Variants in TBC1D30 observed in about 807,000 individuals in gnomAD.
TBC1D30 encodes the protein TBC1 domain family member 30.
A neutral mutation model predicts 63.2 loss-of-function variants in TBC1D30; 31 were observed. That is an observed-to-expected ratio of 0.49 (90% CI 0.37 to 0.66). TBC1D30 has a LOEUF of 0.66. Among genes scored for constraint, TBC1D30 ranks in the 30% least tolerant of loss-of-function variants. The probability of loss-of-function intolerance (pLI) is 0.00; values close to 1 mark genes in which losing one functional copy is unlikely to be tolerated. For synonymous variants in TBC1D30, 307 were observed against 361.5 expected (o/e 0.85, Z 1.71); for missense variants, 810 against 953.6 (o/e 0.85, Z 1.98).
At chr12:64,850,487 C>T (rs980384602) in intron 8 of TBC1D30, among the ~76,000 whole-genome samples, 2 of 151,980 alleles carry the variant, frequency 1.3e-5, no homozygotes, top group Admixed American at 6.6e-5. Context: ...TAGCATGGAG[C>T]GGTGTTGAAT....
chr12:64,821,628 G>A (rs1048354903), upstream of TBC1D30, among the ~76,000 whole-genome samples: 1 of 152,170 alleles, frequency 6.6e-6, no homozygotes, highest in African/African-American at 2.4e-5. Flanking sequence ...TTCAGCCCCA[G>A]GGTATACTGT....
At chr12:64,781,737 TCA>T (rs1465420565) in intron 1 of TBC1D30, among the ~76,000 whole-genome samples, 1 of 151,904 alleles carries the variant, frequency 6.6e-6, no homozygotes, top group East Asian at 1.9e-4. Context: ...CCTTCTCTGG[TCA>T]CACCACTTAG....
rs1879280869 is a variant in TBC1D30, at chr12:64,878,994, A to G, written c.*3206A>G. On this transcript the variant is annotated 3_prime_UTR_variant, in exon 12 of 12. Transcript: ENST00000539867. ...TATGAATAGATGTATAGTTGCTGCC[A>G]TCTCCCCATATAAAAACTCTCTTTA... 1 of 152,416 alleles carries G rather than the reference A, an allele frequency of 6.6e-6. No individual in the cohort carries two copies. The highest frequency in any genetic ancestry group is 2.4e-5 in the African/African-American group (1 of 41,454). The allele number at this position is 152,416 out of a possible 1,614,324, so 9.4% of individuals were successfully genotyped here.
At chr12:64,851,714 G>A (rs980667437) in intron 8 of TBC1D30, among the ~76,000 whole-genome samples, 6 of 152,134 alleles carry the variant, frequency 3.9e-5, no homozygotes, top group Admixed American at 3.9e-4. Context: ...TGTGAGGCAG[G>A]CCTGGTGGTA....
chr12:64,797,290 T>G (rs551154885), intron 2 of TBC1D30, among the ~76,000 whole-genome samples: 11 of 152,330 alleles, frequency 7.2e-5, no homozygotes, highest in African/African-American at 2.2e-4. Flanking sequence ...TTGAATCTCT[T>G]TTCTTCCTGT....
intron 2 of TBC1D30, among the ~76,000 whole-genome samples, chr12:64,800,061 G>A (rs751151641): frequency 5.3e-5 from 8 of 152,154 alleles, no homozygotes; most frequent in South Asian, 2.1e-4. Flanking sequence ...AGCTGAGATC[G>A]CGTCATTACA....
exon 1 of TBC1D30, chr12:64,759,509 C>T (rs987133381): frequency 2.0e-6 from 1 of 502,550 alleles, no homozygotes; most frequent in African/African-American, 2.0e-5. Context: ...CTGGCGCAGC[C>T]TGGAGGGAGG....
chr12:64,777,206 G>A (rs566636898), upstream of TBC1D30, among the ~76,000 whole-genome samples: 242 of 152,246 alleles, frequency 1.6e-3, 1 homozygote, highest in Non-Finnish European at 2.9e-3. Flanking sequence ...ACAATACAAG[G>A]ATGCCCTCTC....
intron 2 of TBC1D30, among the ~76,000 whole-genome samples, chr12:64,807,918 G>GTTTTTTTTTTTTCTTTTTT (rs1872971083): frequency 1.1e-5 from 1 of 93,526 alleles, no homozygotes; most frequent in African/African-American, 5.5e-5. Context: ...CCTAATTTAA[G>GTTTTTTTTTTTTCTTTTTT]TTTTTTTTTT....
At position 64,879,122 on chromosome 12, in the gene TBC1D30, G is replaced by A. The variant is rs1879291826; in HGVS notation, c.*3334G>A. 1 of 152,574 alleles carries A rather than the reference G, an allele frequency of 6.6e-6. No individual in the cohort carries two copies. Among genetic ancestry groups the A allele is most frequent in the Non-Finnish European group, 1.5e-5 (1 of 68,366 alleles). The allele number at this position is 152,574 out of a possible 1,614,324, so 9.5% of individuals were successfully genotyped here. A position where few individuals can be genotyped will look rare whatever the true frequency, so the allele number is the denominator to read the frequency against. ...TTTTAGAAAATTGGGAAAACAAAAA[G>A]AGCATAAAGAATCATCAATACTCTG... is the stretch of plus-strand genomic sequence containing the variant. On this transcript the variant is annotated 3_prime_UTR_variant, in exon 12 of 12. Coordinates refer to ENST00000539867, the MANE Select transcript of TBC1D30 (RefSeq NM_015279.2).
intron 8 of TBC1D30, among the ~76,000 whole-genome samples, chr12:64,851,597 T>TG (rs1876879212): frequency 6.6e-6 from 1 of 152,206 alleles, no homozygotes; most frequent in South Asian, 2.1e-4. Flanking sequence ...GCTCATTAGG[T>TG]GATGCAGTTT....
chr12:64,787,895 G>T (rs1284708791), intron 2 of TBC1D30, among the ~76,000 whole-genome samples: 3 of 152,068 alleles, frequency 2.0e-5, no homozygotes, highest in African/African-American at 7.2e-5. Flanking sequence ...AATTAGCTGG[G>T]TGTGGTGACA....
chr12:64,821,120 T>C (rs1873860829), upstream of TBC1D30, among the ~76,000 whole-genome samples: 1 of 152,180 alleles, frequency 6.6e-6, no homozygotes, highest in Non-Finnish European at 1.5e-5. Context: ...TCATGACACA[T>C]GGGTGAGTTG....
At chr12:64,845,989 C>T (rs906764464) in intron 8 of TBC1D30, among the ~76,000 whole-genome samples, 24 of 151,914 alleles carry the variant, frequency 1.6e-4, no homozygotes, top group Admixed American at 1.2e-3. Context: ...TAAGCCTGTT[C>T]GTCATTTGTA....
At chr12:64,785,394 C>G (rs1261850872) in intron 1 of TBC1D30, among the ~76,000 whole-genome samples, 2 of 151,896 alleles carry the variant, frequency 1.3e-5, no homozygotes, top group Non-Finnish European at 2.9e-5. Context: ...GTAATCTGCC[C>G]TCCTTGGCCT....
In TBC1D30 at chr12:64,830,500, A is replaced by G; in HGVS notation, c.406A>G (p.Lys136Glu). The change falls in exon 4 of 12, where the codon AAG (lysine) becomes GAG (glutamate). Residue 136 changes from lysine (K) to glutamate (E), a missense_variant and splice_region_variant. By Grantham distance (56) the Lys-to-Glu change is moderately conservative (BLOSUM62 1). This residue lies in a region of TBC1D30 where 272 missense variants were observed against 335.9 expected (regional missense o/e 0.81). Coordinates refer to ENST00000539867, the MANE Select transcript of TBC1D30 (RefSeq NM_015279.2). Reference sequence around the variant, plus strand: ...TGACTCCATGGGAATTCAGATAGTCAAGGTAATGCCCCTGAACTTGGCCTG... The same window carrying G: ...TGACTCCATGGGAATTCAGATAGTCGAGGTAATGCCCCTGAACTTGGCCTG... The part of the protein sequence containing the change: ...DDDSMGIQIV[K>E]DLHRTGCSSY... The G allele has an allele frequency of 6.5e-7, 1 of 1,530,814 alleles. No homozygotes were observed. Among genetic ancestry groups the G allele is most frequent in the South Asian group, 1.2e-5 (1 of 83,268 alleles). 94.8% of individuals were successfully genotyped at this position (1,530,814 alleles called of 1,614,324 possible). A position where few individuals can be genotyped will look rare whatever the true frequency, so the allele number is the denominator to read the frequency against.
chr12:64,767,287 T>A (rs1233840388), intron 1 of TBC1D30, among the ~76,000 whole-genome samples: 1 of 152,136 alleles, frequency 6.6e-6, no homozygotes, highest in Admixed American at 6.6e-5. Flanking sequence ...TTGTCAAATC[T>A]TGGTGGTCCC....
chr12:64,854,173 G>A (rs531738474), intron 8 of TBC1D30, among the ~76,000 whole-genome samples: 57 of 151,956 alleles, frequency 3.8e-4, no homozygotes, highest in Non-Finnish European at 7.1e-4. Flanking sequence ...CTTCGTTTCT[G>A]TCTTCCTTTT....
intron 2 of TBC1D30, chr12:64,818,875 G>C (rs574243100): frequency 6.6e-6 from 1 of 152,238 alleles, no homozygotes; most frequent in South Asian, 2.1e-4. Context: ...GAAATATAAA[G>C]GTGTCTTTAT....
Sources: gnomAD v4.1 joint callset for allele counts (sites outside exome capture counted in the v4.1 genomes callset) on GRCh38, gnomAD v4.1.1 for gene constraint, gnomAD v4.1.1 regional missense constraint, MANE v1.5 for transcripts, NCBI Gene and HGNC (gene_info 2026-07-23, HGNC 2026-07-21) for gene names.